RAB10: variants seen among roughly 807,000 people sequenced by gnomAD.
RAB10 encodes the protein RAB10, member RAS oncogene family.
A neutral mutation model predicts 25.7 loss-of-function variants in RAB10; 5 were observed. The observed-to-expected ratio is 0.19, with a 90% confidence interval of 0.10 to 0.41. The LOEUF (loss-of-function observed/expected upper bound fraction) is 0.41. Ranked by LOEUF, RAB10 falls within the 10% of genes least tolerant of loss-of-function variation. The pLI is 1.00. For synonymous variants in RAB10, 89 were observed against 86.4 expected, an observed-to-expected ratio of 1.03 and a Z score of -0.16; for missense variants, 103 against 245.8, an observed-to-expected ratio of 0.42 and a Z score of 3.89.
chr2:26,116,488 C>G (rs1177096148), intron 3 of RAB10, among the ~76,000 whole-genome samples: 1 of 150,466 alleles, frequency 6.6e-6, no homozygotes, highest in East Asian at 1.9e-4. Context: ...AAGTAGGGTC[C>G]TGGAACCAAT....
chr2:26,033,841 T>G (rs972540835), upstream of RAB10, among the ~76,000 whole-genome samples: 1 of 151,996 alleles, frequency 6.6e-6, no homozygotes, highest in Non-Finnish European at 1.5e-5. Context: ...CTAGGTAGCG[T>G]CTCCCCCGGG....
At chr2:26,059,448 T>A (rs1280004089) in intron 1 of RAB10, among the ~76,000 whole-genome samples, 4 of 152,226 alleles carry the variant, frequency 2.6e-5, no homozygotes, top group Admixed American at 2.6e-4. Flanking sequence ...TACATTAGAA[T>A]AACCCTTAGT....
At chr2:26,107,302 C>T (rs1667485548) in intron 2 of RAB10, among the ~76,000 whole-genome samples, 1 of 146,556 alleles carries the variant, frequency 6.8e-6, no homozygotes, top group African/African-American at 2.5e-5. Context: ...ACACTAAACA[C>T]ATGATCTGTA....
chr2:26,035,619 C>A (rs1007322358), intron 1 of RAB10, among the ~76,000 whole-genome samples: 1 of 152,172 alleles, frequency 6.6e-6, no homozygotes, highest in Non-Finnish European at 1.5e-5. Flanking sequence ...ATTTAAGTGG[C>A]ATTGACGCTA....
intron 2 of RAB10, among the ~76,000 whole-genome samples, chr2:26,105,676 A>G (rs549187001): frequency 1.9e-4 from 29 of 152,338 alleles, no homozygotes; most frequent in African/African-American, 6.0e-4. Context: ...AATGCAGTCA[A>G]CTGTGTAGAA....
chr2:26,068,786 G>A (rs1048995857), intron 1 of RAB10, among the ~76,000 whole-genome samples: 1 of 152,204 alleles, frequency 6.6e-6, no homozygotes, highest in African/African-American at 2.4e-5. Flanking sequence ...CATTTCCTCA[G>A]ACGTTGTGGG....
intron 1 of RAB10, among the ~76,000 whole-genome samples, chr2:26,090,330 C>T (rs1367154206): frequency 2.0e-5 from 3 of 151,892 alleles, no homozygotes; most frequent in Non-Finnish European, 4.4e-5. Context: ...GAGAGTTGAT[C>T]TTTTAAGGTG....
intron 1 of RAB10, among the ~76,000 whole-genome samples, chr2:26,036,856 C>G (rs1241659709): frequency 6.6e-6 from 1 of 151,870 alleles, no homozygotes; most frequent in Non-Finnish European, 1.5e-5. Flanking sequence ...GTGGCGTGAT[C>G]TCGGCCCACT....
intron 1 of RAB10, among the ~76,000 whole-genome samples, chr2:26,062,701 A>AATAAATAC (rs1666430072): frequency 6.6e-6 from 1 of 151,704 alleles, no homozygotes; most frequent in Non-Finnish European, 1.5e-5. Context: ...TAAATAAATA[A>AATAAATAC]ATAAAGGAAA....
intron 2 of RAB10, 53 bp from the exon 3 acceptor site, chr2:26,109,715 G>C: frequency 6.9e-7 from 1 of 1,454,616 alleles, no homozygotes; most frequent in Non-Finnish European, 9.1e-7. Flanking sequence ...TCCTTTATGT[G>C]AAATGTAGTA....
chr2:26,123,968 C>T (rs555917124), intron 3 of RAB10, among the ~76,000 whole-genome samples: 14 of 152,292 alleles, frequency 9.2e-5, no homozygotes, highest in Admixed American at 5.9e-4. Flanking sequence ...ACCCCCTCCT[C>T]TTTCTCCTCC....
chr2:26,079,220 C>G (rs1000659466), intron 1 of RAB10, among the ~76,000 whole-genome samples: 19 of 151,598 alleles, frequency 1.3e-4, no homozygotes, highest in African/African-American at 4.1e-4. Flanking sequence ...TACTGTAAGG[C>G]TAAAGATAAA....
rs571648114 is a variant in RAB10, at chr2:26,133,536, A to G, written c.520-1402A>G. On this transcript the variant is annotated intron_variant, in intron 5 of 5. Coordinates refer to ENST00000264710, the MANE Select transcript of RAB10 (RefSeq NM_016131.5). ...TCCTGATCTGGTAGTTTGACAATAT[A>G]TACTAAAAATATATCAGGCTTACAC... Among the ~76,000 whole-genome samples the G allele has an allele frequency of 4.6e-5, 7 of 152,356 alleles. No homozygotes were observed. The East Asian group carries it at 1.3e-3, about 29-fold the overall frequency.
At chr2:26,116,616 G>A (rs185487078) in intron 3 of RAB10, among the ~76,000 whole-genome samples, 126 of 144,998 alleles carry the variant, frequency 8.7e-4, no homozygotes, top group Non-Finnish European at 1.5e-3. Context: ...GAGTGCAGTG[G>A]CGCTGTCTCA....
chr2:26,119,365 T>G (rs916419409), intron 3 of RAB10, among the ~76,000 whole-genome samples: 3 of 152,076 alleles, frequency 2.0e-5, no homozygotes, highest in African/African-American at 7.3e-5. Flanking sequence ...GAGCTGATTA[T>G]AGCAGTGCAT....
chr2:26,079,349 A>T (rs972850833), intron 1 of RAB10, among the ~76,000 whole-genome samples: 3 of 150,772 alleles, frequency 2.0e-5, no homozygotes, highest in African/African-American at 7.4e-5. Context: ...ACACACACAC[A>T]CACACTATAT....
In RAB10 at chr2:26,034,683, C is replaced by T. The variant is rs1336632348; in HGVS notation, c.75C>T (p.Val25=). Residue 25 remains valine (V), a synonymous_variant, in exon 1 of 6, where the codon GTC becomes GTT. Coordinates refer to ENST00000264710, the MANE Select transcript of RAB10 (RefSeq NM_016131.5). ...ATTCCGGAGTGGGGAAGACCTGCGT[C>T]CTTTTTCGTTTTTCGGATGATGCCT... The part of the protein sequence containing the change: ...IGDSGVGKTC[V]LFRFSDDAFN... 6 of 1,614,212 alleles carry T rather than the reference C, an allele frequency of 3.7e-6. No individual in the cohort carries two copies. The South Asian group carries it at 4.4e-5, about 12-fold the overall frequency.
intron 1 of RAB10, among the ~76,000 whole-genome samples, chr2:26,087,229 A>G (rs747797024): frequency 1.3e-5 from 2 of 152,180 alleles, no homozygotes; most frequent in Non-Finnish European, 2.9e-5. Context: ...CCATCTGTTA[A>G]TCCTGCAACT....
chr2:26,099,843 AT>A (rs201223616), intron 2 of RAB10, among the ~76,000 whole-genome samples: 13 of 150,912 alleles, frequency 8.6e-5, no homozygotes, highest in African/African-American at 2.7e-4. Context: ...CGCCTGGTCA[AT>A]TTTTTTTTAA....
Sources: gnomAD v4.1 joint callset for allele counts (sites outside exome capture counted in the v4.1 genomes callset) on GRCh38, gnomAD v4.1.1 for gene constraint, MANE v1.5 for transcripts, NCBI Gene and HGNC (gene_info 2026-07-23, HGNC 2026-07-21) for gene names.